The following DST variants were observed in gnomAD, a reference collection of about 807,000 sequenced individuals.
The protein encoded by DST is dystonin.
Under a neutral mutation model 875.2 loss-of-function variants are expected in DST, and 253 were observed. The observed-to-expected ratio is 0.29, with a 90% CI of 0.26 to 0.32. The LOEUF (loss-of-function observed/expected upper bound fraction) is 0.32, where lower values mean the gene tolerates loss of function less well. Among genes scored for constraint, DST ranks in the 10% least tolerant of loss-of-function variants. The pLI, the probability that DST is intolerant of heterozygous loss-of-function variation, is 1.00. For synonymous variants in DST, 3,124 were observed against 3,197.1 expected (o/e 0.98, Z 0.77); for missense variants, 8,287 against 9,111.6 (o/e 0.91, Z 3.68).
chr6:56,548,069 T>A (rs1057017024), intron 61 of DST, among the ~76,000 whole-genome samples: 1 of 152,224 alleles, frequency 6.6e-6, no homozygotes, highest in African/African-American at 2.4e-5. Context: ...AGGCATTTTT[T>A]CACAATGGTC....
At chr6:56,485,889 C>A (rs189508881) in intron 87 of DST, among the ~76,000 whole-genome samples, 1 of 152,266 alleles carries the variant, frequency 6.6e-6, no homozygotes, top group East Asian at 1.9e-4. Context: ...GTTCAACCAT[C>A]CCAAAAATCT....
intron 102 of DST, among the ~76,000 whole-genome samples, chr6:56,462,488 A>AC (rs2094384964): frequency 6.6e-6 from 1 of 151,880 alleles, no homozygotes; most frequent in Non-Finnish European, 1.5e-5. Context: ...TACCCCTCTG[A>AC]CCCCCCTGCA....
rs922584551 is a variant in DST, at chr6:56,504,239, C to G, written c.19465-141G>C. On this transcript the variant is annotated intron_variant, in intron 77 of 103. Coordinates refer to ENST00000680361, the MANE Select transcript of DST (RefSeq NM_001374736.1). Reference sequence around the variant, plus strand: ...TATTTTATAAAAAATTAACATGGTTCACCTAAATTAGTAAAAGCAGTAATA... The same window carrying G: ...TATTTTATAAAAAATTAACATGGTTGACCTAAATTAGTAAAAGCAGTAATA... 4 of 611,056 alleles carry G rather than the reference C, an allele frequency of 6.5e-6. No individual in the cohort carries two copies. In the African/African-American group the frequency reaches 7.8e-5, roughly 12 times the overall value. The allele number at this position is 611,056 out of a possible 1,614,324, so 37.9% of individuals were successfully genotyped here. A position where few individuals can be genotyped will look rare whatever the true frequency, so the allele number is the denominator to read the frequency against.
At chr6:56,868,536 T>G (rs2127603942) in intron 3 of DST, among the ~76,000 whole-genome samples, 2 of 152,226 alleles carry the variant, frequency 1.3e-5, no homozygotes, top group Middle Eastern at 6.8e-3. Flanking sequence ...AAATACCCTC[T>G]CCCAATGCCA....
In DST at chr6:56,605,023, T is replaced by A; in HGVS notation, c.9605A>T (p.Asp3202Val). 1 of 1,612,974 alleles carries A rather than the reference T, an allele frequency of 6.2e-7. No individual in the cohort carries two copies. The highest frequency in any genetic ancestry group is 8.5e-7 in the Non-Finnish European group (1 of 1,179,310). Reference protein sequence around the residue: ...KAKDVAKPNEDVPSHVLITAP... With the variant: ...KAKDVAKPNEVVPSHVLITAP... ...AGTTATTAAAACATGGCTTGGGACA[T>A]CTTCATTTGGTTTGGCTACATCTTT... is the stretch of plus-strand genomic sequence containing the variant. The change falls in exon 40 of 104, where the codon GAT (aspartate) becomes GTT (valine). Residue 3202 changes from aspartate to valine, a missense_variant. Physicochemically the swap from Asp to Val is radical, Grantham distance 152 (BLOSUM62 -3). Coordinates refer to ENST00000680361, the MANE Select transcript of DST (RefSeq NM_001374736.1).
At chr6:56,654,696 C>T (rs2152803508) in intron 10 of DST, among the ~76,000 whole-genome samples, 1 of 151,394 alleles carries the variant, frequency 6.6e-6, no homozygotes, top group Middle Eastern at 3.4e-3. Flanking sequence ...TCACCACCTA[C>T]ATTAACAGGT....
chr6:56,612,761 G>GT (rs2098555516), intron 37 of DST, among the ~76,000 whole-genome samples: 1 of 152,174 alleles, frequency 6.6e-6, no homozygotes, highest in Admixed American at 6.5e-5. Flanking sequence ...TTCTTAGACA[G>GT]TTATAATTAA....
rs748277363 is a variant in DST at position 56,593,902 on chromosome 6, C to T, written c.12487G>A (p.Gly4163Ser). Residue 4163 changes from glycine (G) to serine (S), a missense_variant, in exon 48 of 104, where the codon GGT becomes AGT. Coordinates refer to ENST00000680361, the MANE Select transcript of DST (RefSeq NM_001374736.1). ...ATTAAACCATTGATGTCATCTGCAC[C>T]TGCCTCCAGGTTTTCAAGTTCTTGT... ...SEQELENLEA[G>S]ADDINGLMTK... The T allele has an allele frequency of 6.8e-6, 11 of 1,613,854 alleles. No individual in the cohort carries two copies. The highest frequency in any genetic ancestry group is 8.5e-6 in the Non-Finnish European group (10 of 1,179,788).
At position 56,470,301 on chromosome 6, in the gene DST, T is replaced by C. The variant is rs762823156; in HGVS notation, c.22322-19A>G. ...GGAAACTCTAAAATTTTGAAAACAA[T>C]GGTAAGTAGTGACTTGTTAGTTCTT... On this transcript the variant is annotated intron_variant, in intron 95 of 103. Transcript: ENST00000680361. The C allele has an allele frequency of 3.2e-6, 5 of 1,572,372 alleles. No individual in the cohort carries two copies. The highest frequency in any genetic ancestry group is 3.5e-6 in the Non-Finnish European group (4 of 1,155,742).
intron 36 of DST, chr6:56,618,848 T>C: frequency 6.2e-7 from 1 of 1,614,172 alleles, no homozygotes; most frequent in Admixed American, 1.7e-5. Flanking sequence ...CATCTGCTCC[T>C]CTATGGTCTT....
chr6:56,630,701 G>A (rs1162886328), intron 30 of DST, among the ~76,000 whole-genome samples: 1 of 152,010 alleles, frequency 6.6e-6, no homozygotes, highest in East Asian at 1.9e-4. Context: ...AAATGTGGGA[G>A]GACCATACAT....
chr6:56,707,654 A>C (rs189495505), intron 5 of DST, among the ~76,000 whole-genome samples: 13 of 152,026 alleles, frequency 8.6e-5, no homozygotes, highest in Admixed American at 8.5e-4. Flanking sequence ...TGTCTTTCTC[A>C]CTCCAGGACA....
chr6:56,693,399 G>T, intron 9 of DST: 1 of 1,109,660 alleles, frequency 9.0e-7, no homozygotes, highest in South Asian at 2.4e-5. Context: ...AATCCTCTTA[G>T]ACAAACATTA....
chr6:56,519,691 C>G (rs1480211572), intron 69 of DST, among the ~76,000 whole-genome samples: 1 of 152,078 alleles, frequency 6.6e-6, no homozygotes, highest in Non-Finnish European at 1.5e-5. Flanking sequence ...GCAGAAATGA[C>G]GAGCCATCTC....
intron 84 of DST, 127 bp from the exon 85 acceptor site, chr6:56,492,560 A>C (rs1196294432): frequency 1.0e-6 from 1 of 995,742 alleles, no homozygotes; most frequent in Non-Finnish European, 1.5e-6. Context: ...TACCAAATGC[A>C]TGCTTTTGAC....
At chr6:56,618,706 C>T (rs1586807404) in intron 36 of DST, 1 of 1,613,870 alleles carries the variant, frequency 6.2e-7, no homozygotes, top group Non-Finnish European at 8.5e-7. Context: ...CAAAGTCAAG[C>T]CTAATGCCTG....
At chr6:56,905,615 T>C (rs895854858) in intron 2 of DST, among the ~76,000 whole-genome samples, 1 of 152,108 alleles carries the variant, frequency 6.6e-6, no homozygotes, top group African/African-American at 2.4e-5. Flanking sequence ...CTGAGTACTA[T>C]TCCATTGTAT....
In DST at chr6:56,634,492, G is replaced by T. The variant is rs2098809168; in HGVS notation, c.3464C>A (p.Pro1155Gln). The change falls in exon 26 of 104, where the codon CCA becomes CAA. Residue 1155 changes from proline to glutamine, a missense_variant. By Grantham distance (76) the Pro-to-Gln change is moderately conservative. This residue lies in a region of DST where 1,160 missense variants were observed against 1,424.3 expected (regional missense o/e 0.81). Coordinates refer to ENST00000680361, the MANE Select transcript of DST (RefSeq NM_001374736.1). ...GGCAAGGTCCACCGCTTCTTTGTTT[G>T]GTGGAGGAACGGTGAAGCACACAGA... ...VPSVCFTVPP[P>Q]NKEAVDLANR... 6.2e-7 allele frequency: 1 copy of T among 1,614,002 alleles called. No individual in the cohort carries two copies. The highest frequency in any genetic ancestry group is 1.3e-5 in the African/African-American group (1 of 74,902).
chr6:56,876,735 T>C (rs1779795389), intron 3 of DST, among the ~76,000 whole-genome samples: 2 of 152,226 alleles, frequency 1.3e-5, no homozygotes, highest in African/African-American at 4.8e-5. Flanking sequence ...TAACATCAAC[T>C]GGGTTCTCAG....
Sources: gnomAD v4.1 joint callset for allele counts (sites outside exome capture counted in the v4.1 genomes callset) on GRCh38, gnomAD v4.1.1 for gene constraint, gnomAD v4.1.1 regional missense constraint, MANE v1.5 for transcripts, NCBI Gene and HGNC (gene_info 2026-07-23, HGNC 2026-07-21) for gene names.